Variants in TM2D1 observed in about 807,000 individuals in gnomAD.
TM2D1 encodes the protein TM2 domain-containing protein 1.
In TM2D1, 15 loss-of-function variants were observed where a neutral mutation model predicts 28.4. The observed-to-expected ratio is 0.53, with a 90% CI of 0.35 to 0.81. TM2D1 has a LOEUF of 0.81. Ranked by LOEUF, TM2D1 falls within the 40% of genes least tolerant of loss-of-function variation. The probability of loss-of-function intolerance (pLI) is 0.01; values close to 1 mark genes in which losing one functional copy is unlikely to be tolerated. For missense variants in TM2D1, 236 were observed against 254.9 expected (o/e 0.93, Z 0.50); for synonymous variants, 93 against 96.2 (o/e 0.97, Z 0.20).
intron 2 of TM2D1, among the ~76,000 whole-genome samples, chr1:61,717,049 A>T (rs145752833): frequency 2.0e-5 from 3 of 152,144 alleles, no homozygotes; most frequent in African/African-American, 4.8e-5. Context: ...ATATGACAAG[A>T]TCAAACAAGC....
intron 2 of TM2D1, among the ~76,000 whole-genome samples, chr1:61,715,445 C>A (rs1488013247): frequency 6.6e-6 from 1 of 151,590 alleles, no homozygotes; most frequent in Non-Finnish European, 1.5e-5. Flanking sequence ...TCCAGGAATT[C>A]GAGACCAGCC....
chr1:61,703,850 G>A (rs547460156), intron 3 of TM2D1, among the ~76,000 whole-genome samples: 23 of 148,534 alleles, frequency 1.5e-4, no homozygotes, highest in African/African-American at 4.7e-4. Flanking sequence ...TCCACCTCCC[G>A]GATTCAAGCG....
intron 2 of TM2D1, among the ~76,000 whole-genome samples, chr1:61,719,398 A>AG (rs1644544244): frequency 7.0e-6 from 1 of 142,820 alleles, no homozygotes; most frequent in South Asian, 2.3e-4. Flanking sequence ...TGGCAGAAAA[A>AG]AGTATATACA....
chr1:61,707,721 A>G (rs1048706963), intron 3 of TM2D1, among the ~76,000 whole-genome samples: 1 of 152,244 alleles, frequency 6.6e-6, no homozygotes, highest in Non-Finnish European at 1.5e-5. Context: ...AAAGCCCCTC[A>G]TTAACTCAAT....
chr1:61,710,172 T>C (rs1400933974), intron 2 of TM2D1, among the ~76,000 whole-genome samples: 1 of 152,036 alleles, frequency 6.6e-6, no homozygotes, highest in Admixed American at 6.6e-5. Flanking sequence ...CCAAGTGCAG[T>C]GGCTCATGCC....
intron 2 of TM2D1, among the ~76,000 whole-genome samples, chr1:61,710,129 C>T (rs1345699774): frequency 1.3e-5 from 2 of 151,996 alleles, no homozygotes; most frequent in South Asian, 2.1e-4. Context: ...TCAGAACCTT[C>T]GATTCTTTGT....
At chr1:61,706,334 G>C (rs1644440052) in intron 3 of TM2D1, among the ~76,000 whole-genome samples, 1 of 152,030 alleles carries the variant, frequency 6.6e-6, no homozygotes, top group Admixed American at 6.6e-5. Flanking sequence ...CTCTCGAGTA[G>C]CTGGGACTAC....
chr1:61,695,204 A>C (rs1644355088), intron 4 of TM2D1, among the ~76,000 whole-genome samples: 1 of 152,112 alleles, frequency 6.6e-6, no homozygotes, highest in Non-Finnish European at 1.5e-5. Flanking sequence ...CATGCCAAAA[A>C]AAAAATCAGG....
intron 4 of TM2D1, chr1:61,699,779 G>T (rs940333330): frequency 7.1e-5 from 11 of 155,342 alleles, no homozygotes; most frequent in Non-Finnish European, 5.7e-5. Flanking sequence ...TATACACTGT[G>T]ACCTTCATCA....
At chr1:61,689,416 T>C (rs1183768625) in intron 5 of TM2D1, among the ~76,000 whole-genome samples, 3 of 152,258 alleles carry the variant, frequency 2.0e-5, no homozygotes, top group Middle Eastern at 3.4e-3. Flanking sequence ...CATGCTAGAG[T>C]GTAGTACTAC....
At chr1:61,723,425 T>C (rs151257944) in intron 2 of TM2D1, among the ~76,000 whole-genome samples, 59 of 152,294 alleles carry the variant, frequency 3.9e-4, no homozygotes, top group African/African-American at 1.3e-3. Context: ...AAATAAAGTA[T>C]ATAAAATATA....
At chr1:61,713,911 C>T (rs1363681098) in intron 2 of TM2D1, among the ~76,000 whole-genome samples, 3 of 114,620 alleles carry the variant, frequency 2.6e-5, no homozygotes, top group African/African-American at 3.5e-5. Flanking sequence ...TTTTTTGAGA[C>T]GGAGTCTCGC....
chr1:61,684,720 T>C lies in TM2D1; in HGVS notation c.514-1174A>G, dbSNP rs1644271159. On this transcript the variant is annotated intron_variant, in intron 5 of 6. Transcript: ENST00000606498. ...CAAACAAAAAATCACAGAAAATTTT[T>C]AAATATTTTAATTTTAATGAATAAG... Among the ~76,000 whole-genome samples the C allele has an allele frequency of 2.6e-5, 4 of 152,250 alleles. No individual in the cohort carries two copies. In the South Asian group the frequency reaches 8.3e-4, roughly 32 times the overall value.
chr1:61,697,130 T>C (rs1204325998), intron 4 of TM2D1, among the ~76,000 whole-genome samples: 1 of 152,214 alleles, frequency 6.6e-6, no homozygotes, highest in Non-Finnish European at 1.5e-5. Flanking sequence ...ATGGCATTAT[T>C]GGAAACTTCA....
chr1:61,693,099 T>A lies in TM2D1; in HGVS notation c.513+1598A>T, dbSNP rs1309638081. 2.6e-5 allele frequency among the ~76,000 whole-genome samples: 4 copies of A among 151,650 alleles called. No homozygotes were observed. In the East Asian group the frequency reaches 7.8e-4, roughly 30 times the overall value. On this transcript the variant is annotated intron_variant, in intron 5 of 6. Coordinates refer to ENST00000606498, the MANE Select transcript of TM2D1 (RefSeq NM_032027.3). ...AGAATATACAAAAATTAGCCAGGTA[T>A]GGTGGCGCACACCTGTAGTCTCAGC... is the stretch of plus-strand genomic sequence containing the variant.
chr1:61,708,001 A>G (rs1160844474), intron 3 of TM2D1, among the ~76,000 whole-genome samples: 2 of 152,242 alleles, frequency 1.3e-5, no homozygotes, highest in South Asian at 2.1e-4. Flanking sequence ...AAGCAGGAAC[A>G]TAAGAATGAA....
At chr1:61,714,454 T>G (rs918732094) in intron 2 of TM2D1, among the ~76,000 whole-genome samples, 2 of 151,816 alleles carry the variant, frequency 1.3e-5, no homozygotes, top group Non-Finnish European at 2.9e-5. Flanking sequence ...GGCAGGAAAA[T>G]TGCTTGGACC....
chr1:61,724,887 AC>A, intron 1 of TM2D1, 69 bp downstream of exon 1: 1 of 1,485,482 alleles, frequency 6.7e-7, no homozygotes, highest in Non-Finnish European at 9.0e-7. Context: ...GCCAGTCCTG[AC>A]GGCAGCGACC....
intron 4 of TM2D1, 76 bp from the exon 5 acceptor site, chr1:61,694,846 A>G (rs1644352821): frequency 3.7e-6 from 3 of 821,476 alleles, no homozygotes; most frequent in Non-Finnish European, 5.7e-6. Flanking sequence ...TTTCCAATAA[A>G]CCATTATTAT....
Sources: gnomAD v4.1 joint callset for allele counts (sites outside exome capture counted in the v4.1 genomes callset) on GRCh38, gnomAD v4.1.1 for gene constraint, MANE v1.5 for transcripts, NCBI Gene and HGNC (gene_info 2026-07-23, HGNC 2026-07-21) for gene names.